SLC17A3: variants seen among roughly 807,000 people sequenced by gnomAD.
SLC17A3 encodes sodium-dependent phosphate transport protein 4.
A neutral mutation model predicts 60.3 loss-of-function variants in SLC17A3; 61 were observed. That is an observed-to-expected ratio of 1.01 (90% CI 0.82 to 1.25). The LOEUF (loss-of-function observed/expected upper bound fraction) is 1.25, where lower values mean the gene tolerates loss of function less well. SLC17A3 is among the 50% of genes most tolerant of loss of function. The pLI is 0.00. For missense variants in SLC17A3, 624 were observed against 594.9 expected (o/e 1.05, Z -0.51); for synonymous variants, 192 against 208.9 (o/e 0.92, Z 0.70).
Position 25,861,844 on chromosome 6 carries a change from A to G in SLC17A3, c.489T>C (p.Phe163=), listed in dbSNP as rs752413057. The G allele has an allele frequency of 6.2e-6, 10 of 1,613,698 alleles. No individual in the cohort carries two copies. In the East Asian group the frequency reaches 2.0e-4, roughly 32 times the overall value. ...LTLCIPLATD[F]GIVLLIVTRI... is the part of the protein sequence containing the mutation. ...GAGTTACAATGAGCAAGACTATTCCAAAGTCAGTGGCCAGAGGGATGCATA... is the reference window on the plus strand; with the variant it reads ...GAGTTACAATGAGCAAGACTATTCCGAAGTCAGTGGCCAGAGGGATGCATA... Residue 163 remains phenylalanine, a synonymous_variant, in exon 4 of 13, where the codon TTT becomes TTC. Transcript: ENST00000397060.
chr6:25,852,931 T>C (rs1273909523), intron 6 of SLC17A3, among the ~76,000 whole-genome samples: 1 of 152,178 alleles, frequency 6.6e-6, no homozygotes, highest in Non-Finnish European at 1.5e-5. Flanking sequence ...TTCCTGTAAA[T>C]CTTATTAAGC....
intron 5 of SLC17A3, among the ~76,000 whole-genome samples, chr6:25,857,696 G>A (rs970385775): frequency 6.6e-6 from 1 of 152,206 alleles, no homozygotes; most frequent in Non-Finnish European, 1.5e-5. Context: ...AACAGGGGAA[G>A]GTAGTGTTGG....
intron 2 of SLC17A3, 139 bp from the exon 3 acceptor site, chr6:25,862,583 A>G (rs1180590242): frequency 1.8e-5 from 14 of 770,056 alleles, no homozygotes; most frequent in Admixed American, 4.1e-5. Context: ...GGCTTTATGA[A>G]AGGAAGATAC....
At chr6:25,859,352 C>T (rs551962493) in intron 5 of SLC17A3, among the ~76,000 whole-genome samples, 29 of 152,334 alleles carry the variant, frequency 1.9e-4, no homozygotes, top group African/African-American at 6.0e-4. Context: ...GTGGCCATCT[C>T]TTCCCAACTC....
intron 2 of SLC17A3, among the ~76,000 whole-genome samples, chr6:25,865,968 C>G (rs1196099924): frequency 6.6e-6 from 1 of 151,962 alleles, no homozygotes; most frequent in African/African-American, 2.4e-5. Context: ...GAATTCAGTA[C>G]TACTGTACTC....
At chr6:25,869,792 A>G (rs1221490285) in intron 1 of SLC17A3, among the ~76,000 whole-genome samples, 1 of 151,986 alleles carries the variant, frequency 6.6e-6, no homozygotes, top group Non-Finnish European at 1.5e-5. Context: ...ACACTTGGGT[A>G]TTATGTGGAC....
chr6:25,854,077 T>C (rs752976253), intron 6 of SLC17A3, among the ~76,000 whole-genome samples: 4 of 152,212 alleles, frequency 2.6e-5, no homozygotes, highest in African/African-American at 4.8e-5. Context: ...TTTTCTATTA[T>C]TTTCAACTCA....
At chr6:25,871,085 T>C (rs1765633008) in intron 1 of SLC17A3, among the ~76,000 whole-genome samples, 1 of 152,034 alleles carries the variant, frequency 6.6e-6, no homozygotes, top group Admixed American at 6.6e-5. Context: ...GTGTGGCGAT[T>C]CCTCAGGGAT....
rs1293437362 is a variant in SLC17A3 at position 25,850,512 on chromosome 6, C to T, written c.940G>A (p.Val314Ile). The T allele has an allele frequency of 1.2e-6, 2 of 1,613,808 alleles. No homozygotes were observed. Among genetic ancestry groups the T allele is most frequent in the East Asian group, 2.2e-5 (1 of 44,870 alleles). The change falls in exon 8 of 13, where the codon GTT becomes ATT. Residue 314 changes from valine to isoleucine, a missense_variant. Coordinates refer to ENST00000397060, the MANE Select transcript of SLC17A3 (RefSeq NM_001098486.2). ...FSHQWLVSTM[V>I]VYIPTYISSV... ...CTGATGTAAGTTGGTATGTATACAA[C>T]CATTGTGCTAACTAACCATTGATGG...
intron 1 of SLC17A3, among the ~76,000 whole-genome samples, chr6:25,871,741 G>A (rs975069282): frequency 2.6e-5 from 4 of 152,052 alleles, no homozygotes; most frequent in South Asian, 2.1e-4. Flanking sequence ...TGAGGGCTAC[G>A]TGGCATCTGA....
chr6:25,854,146 T>A (rs1248056351), intron 6 of SLC17A3, among the ~76,000 whole-genome samples: 5 of 152,330 alleles, frequency 3.3e-5, no homozygotes, highest in Non-Finnish European at 7.4e-5. Context: ...GGTGAATGTT[T>A]GAAGCACACT....
intron 1 of SLC17A3, among the ~76,000 whole-genome samples, chr6:25,873,036 C>G (rs1765670687): frequency 6.6e-6 from 1 of 151,984 alleles, no homozygotes; most frequent in Non-Finnish European, 1.5e-5. Context: ...AAACATTTCA[C>G]TGACTTAAAA....
At chr6:25,846,372 A>G (rs559020523) in intron 11 of SLC17A3, among the ~76,000 whole-genome samples, 167 of 152,352 alleles carry the variant, frequency 1.1e-3, no homozygotes, top group Non-Finnish European at 1.9e-3. Context: ...TAGCCACACA[A>G]TGAGACACTA....
At chr6:25,863,236 G>A (rs529175880) in intron 2 of SLC17A3, among the ~76,000 whole-genome samples, 1 of 152,074 alleles carries the variant, frequency 6.6e-6, no homozygotes, top group Non-Finnish European at 1.5e-5. Context: ...CTCTTCAGAA[G>A]TTAAAATCTG....
At chr6:25,860,820 T>C (rs187624620) in intron 5 of SLC17A3, among the ~76,000 whole-genome samples, 1 of 152,328 alleles carries the variant, frequency 6.6e-6, no homozygotes, top group African/African-American at 2.4e-5. Flanking sequence ...CATCTCCTGA[T>C]TTTCTTGTGC....
intron 11 of SLC17A3, among the ~76,000 whole-genome samples, chr6:25,848,216 C>A (rs1424896360): frequency 2.0e-5 from 3 of 152,152 alleles, no homozygotes; most frequent in African/African-American, 7.2e-5. Context: ...CATGTCTGTG[C>A]AATTATCTTT....
At chr6:25,867,142 T>C (rs141869475) in intron 2 of SLC17A3, among the ~76,000 whole-genome samples, 1 of 152,140 alleles carries the variant, frequency 6.6e-6, no homozygotes, top group East Asian at 1.9e-4. Context: ...GAATGTACTA[T>C]GGTCTTCATA....
chr6:25,861,740 T>C, intron 4 of SLC17A3, 29 bp from the exon 5 acceptor site: 1 of 1,611,368 alleles, frequency 6.2e-7, no homozygotes, highest in Non-Finnish European at 8.5e-7. Flanking sequence ...GAGTTCTTAA[T>C]GTGTGGTGCC....
chr6:25,867,992 C>A (rs540545071), intron 2 of SLC17A3, among the ~76,000 whole-genome samples: 5 of 151,550 alleles, frequency 3.3e-5, no homozygotes, highest in African/African-American at 1.2e-4. Flanking sequence ...TTAAGCAATA[C>A]AGTTATGTTT....
Sources: allele counts gnomAD v4.1 joint callset (sites outside exome capture counted in the v4.1 genomes callset), GRCh38; gene constraint gnomAD v4.1.1; transcripts MANE v1.5; gene names NCBI Gene and HGNC (gene_info 2026-07-23, HGNC 2026-07-21).